ZBTB24: variants seen among roughly 807,000 people sequenced by gnomAD.
ZBTB24 encodes the protein zinc finger and BTB domain containing 24, also known as zinc finger and BTB domain-containing protein 24.
A neutral mutation model predicts 53.8 loss-of-function variants in ZBTB24; 32 were observed. The observed-to-expected ratio is 0.60, with a 90% CI of 0.45 to 0.80. The LOEUF (loss-of-function observed/expected upper bound fraction) is 0.80, where lower values mean the gene tolerates loss of function less well. ZBTB24 is among the 30% of genes least tolerant of loss of function. The probability of loss-of-function intolerance (pLI) is 0.00; values close to 1 mark genes in which losing one functional copy is unlikely to be tolerated. For missense variants in ZBTB24, 722 were observed against 837.1 expected (o/e 0.86, Z 1.70); for synonymous variants, 297 against 306.7 (o/e 0.97, Z 0.33).
chr6:109,473,835 C>T (rs964179544), intron 5 of ZBTB24, among the ~76,000 whole-genome samples: 1 of 152,022 alleles, frequency 6.6e-6, no homozygotes, highest in Non-Finnish European at 1.5e-5. Flanking sequence ...GTAATCCCAG[C>T]GCTTTGGGAG....
intron 5 of ZBTB24, among the ~76,000 whole-genome samples, chr6:109,469,880 C>G (rs1237895861): frequency 6.6e-6 from 1 of 152,162 alleles, no homozygotes; most frequent in Non-Finnish European, 1.5e-5. Flanking sequence ...AATGACTACA[C>G]GGTGTGCACC....
At chr6:109,477,075 A>C (rs1471902423) in intron 2 of ZBTB24, 145 bp from the exon 3 acceptor site, 1 of 1,189,084 alleles carries the variant, frequency 8.4e-7, no homozygotes, top group Non-Finnish European at 1.2e-6. Flanking sequence ...ATCAGCAATA[A>C]AATTTTGGAA....
chr6:109,466,625 C>T, intron 6 of ZBTB24, 51 bp from the exon 7 acceptor site: 1 of 1,595,864 alleles, frequency 6.3e-7, no homozygotes, highest in South Asian at 1.1e-5. Context: ...CTACTTACTA[C>T]TTCCTGATTA....
chr6:109,470,479 T>G (rs181320430), intron 5 of ZBTB24, among the ~76,000 whole-genome samples: 66 of 152,328 alleles, frequency 4.3e-4, no homozygotes, highest in African/African-American at 1.6e-3. Context: ...TCACTGCTTA[T>G]TGGCATCACA....
rs1264708979 is a variant in ZBTB24, at chr6:109,465,866, G to C, written c.2079C>G (p.Gly693=). ...THHVPQPTPL[G]QEQS is the part of the protein sequence containing the mutation. ...TGTTTACAGGTCAGCTCTGCTCCTGGCCAAGTGGCGTTGGCTGGGGCACGT... is the reference window on the plus strand; with the variant it reads ...TGTTTACAGGTCAGCTCTGCTCCTGCCCAAGTGGCGTTGGCTGGGGCACGT... Residue 693 remains glycine (G), a synonymous_variant, in exon 7 of 7, where the codon GGC becomes GGG. Coordinates refer to ENST00000230122, the MANE Select transcript of ZBTB24 (RefSeq NM_014797.3). The C allele has an allele frequency of 6.2e-7, 1 of 1,614,160 alleles. No homozygotes were observed. Among genetic ancestry groups the C allele is most frequent in the Middle Eastern group, 1.7e-4 (1 of 6,042 alleles).
At chr6:109,469,130 T>C (rs1478310171) in intron 5 of ZBTB24, among the ~76,000 whole-genome samples, 1 of 152,192 alleles carries the variant, frequency 6.6e-6, no homozygotes, top group Non-Finnish European at 1.5e-5. Context: ...ATCTGCATCT[T>C]TGCATCATGA....
At chr6:109,475,875 C>G (rs1374423485) in intron 4 of ZBTB24, among the ~76,000 whole-genome samples, 1 of 152,232 alleles carries the variant, frequency 6.6e-6, no homozygotes. Flanking sequence ...TGTCTCTGCC[C>G]AGGCACCACT....
chr6:109,470,898 C>T (rs766716891), intron 5 of ZBTB24, among the ~76,000 whole-genome samples: 19 of 152,190 alleles, frequency 1.2e-4, no homozygotes, highest in Non-Finnish European at 2.8e-4. Context: ...TAAAGCCACA[C>T]CACCATTTTA....
intron 5 of ZBTB24, among the ~76,000 whole-genome samples, chr6:109,469,761 T>A (rs938310848): frequency 6.6e-6 from 1 of 152,196 alleles, no homozygotes; most frequent in Admixed American, 6.5e-5. Context: ...CGTCAACAAT[T>A]CTGAGTGCAG....
In ZBTB24 at chr6:109,467,744, A is replaced by AG; in HGVS notation, c.1289-11_1289-10insC. The AG allele has an allele frequency of 6.2e-7, 1 of 1,612,334 alleles. No homozygotes were observed. The highest frequency in any genetic ancestry group is 8.5e-7 in the Non-Finnish European group (1 of 1,179,536). ...GTAAATGGCTTCTCACCTAAAAAAAACAAAAACAAAAACAAAAAACCCAAA... is the reference window on the plus strand; with the variant it reads ...GTAAATGGCTTCTCACCTAAAAAAAAGCAAAAACAAAAACAAAAAACCCAAA... On this transcript the variant is annotated splice_polypyrimidine_tract_variant and intron_variant, in intron 5 of 6. Transcript: ENST00000230122.
Position 109,481,683 on chromosome 6 carries a change from A to C in ZBTB24, c.344T>G (p.Phe115Cys). ...CTTTACCAGGTCATAGACTTTTAAG[A>C]ACTGAGCAGTAGCCAGGATTTGTTC... ...STEQILATAQ[F>C]LKVYDLVKAY... Residue 115 changes from phenylalanine to cysteine, a missense_variant, in exon 2 of 7, where the codon TTC becomes TGC. Coordinates refer to ENST00000230122, the MANE Select transcript of ZBTB24 (RefSeq NM_014797.3). 6.2e-7 allele frequency: 1 copy of C among 1,614,242 alleles called. No individual in the cohort carries two copies. Among genetic ancestry groups the C allele is most frequent in the South Asian group, 1.1e-5 (1 of 91,088 alleles).
intron 5 of ZBTB24, among the ~76,000 whole-genome samples, chr6:109,471,237 T>G (rs1400614570): frequency 1.3e-5 from 2 of 152,230 alleles, no homozygotes; most frequent in African/African-American, 4.8e-5. Flanking sequence ...TACTTGGCAT[T>G]CCTATATGGT....
chr6:109,476,367 G>T, intron 3 of ZBTB24, 109 bp from the exon 4 acceptor site: 4 of 1,072,414 alleles, frequency 3.7e-6, no homozygotes, highest in Non-Finnish European at 4.2e-6. Context: ...TTCTACAAAT[G>T]ATACAAGCGA....
intron 5 of ZBTB24, among the ~76,000 whole-genome samples, chr6:109,473,636 G>A (rs1418909561): frequency 2.6e-5 from 4 of 152,094 alleles, no homozygotes; most frequent in Non-Finnish European, 2.9e-5. Context: ...TTGAATGTTG[G>A]CCCCTTAAGG....
chr6:109,472,335 T>G (rs1429800225), intron 5 of ZBTB24, among the ~76,000 whole-genome samples: 1 of 152,212 alleles, frequency 6.6e-6, no homozygotes, highest in East Asian at 1.9e-4. Context: ...GAGGCCCGTC[T>G]GTCTCCTTTT....
chr6:109,479,749 T>C (rs1277002496), intron 2 of ZBTB24, among the ~76,000 whole-genome samples: 1 of 151,888 alleles, frequency 6.6e-6, no homozygotes, highest in Non-Finnish European at 1.5e-5. Context: ...ACCCCGTCTC[T>C]ACTAAAAATA....
intron 5 of ZBTB24, among the ~76,000 whole-genome samples, chr6:109,470,935 G>A (rs75311116): frequency 0.018 from 2,744 of 152,282 alleles, 93 homozygotes; most frequent in African/African-American, 0.063. Flanking sequence ...ACCATTGTGT[G>A]TACTGCCCCA....
chr6:109,479,616 A>G (rs1185859895), intron 2 of ZBTB24, among the ~76,000 whole-genome samples: 1 of 152,220 alleles, frequency 6.6e-6, no homozygotes, highest in Non-Finnish European at 1.5e-5. Flanking sequence ...TGCACATAAA[A>G]TTTTTGATAA....
At chr6:109,469,588 A>C (rs986816267) in intron 5 of ZBTB24, among the ~76,000 whole-genome samples, 1 of 152,182 alleles carries the variant, frequency 6.6e-6, no homozygotes, top group Non-Finnish European at 1.5e-5. Context: ...CCTTCAATGG[A>C]GACACCCATT....
Sources: allele counts gnomAD v4.1 joint callset (sites outside exome capture counted in the v4.1 genomes callset), GRCh38; gene constraint gnomAD v4.1.1; transcripts MANE v1.5; gene names NCBI Gene and HGNC (gene_info 2026-07-23, HGNC 2026-07-21).